CFAP95: variants seen among roughly 807,000 people sequenced by gnomAD.
CFAP95 encodes the protein cilia and flagella associated protein 95.
At chr9:69,865,284 G>C in the CFAP95 span, among the ~76,000 whole-genome samples, 1 of 152,026 alleles carries the variant, frequency 6.6e-6, no homozygotes, top group Non-Finnish European at 1.5e-5. Flanking sequence ...ACCCATTCTC[G>C]GACAGTTCTT....
chr9:69,843,604 T>G, the CFAP95 span, among the ~76,000 whole-genome samples: 1,245 of 65,900 alleles, frequency 0.019, 128 homozygotes, highest in Middle Eastern at 0.03. Flanking sequence ...CTTCTTCTTC[T>G]TCTTCTTCTT....
chr9:69,887,800 C>T, the CFAP95 span, among the ~76,000 whole-genome samples: 1 of 152,166 alleles, frequency 6.6e-6, no homozygotes, highest in Admixed American at 6.5e-5. Context: ...AGATTGCCTC[C>T]ACCTTTTAAG....
the CFAP95 span, among the ~76,000 whole-genome samples, chr9:69,881,398 C>T: frequency 6.6e-6 from 1 of 152,158 alleles, no homozygotes; most frequent in Non-Finnish European, 1.5e-5. Context: ...CCAGTTTCCC[C>T]AGCACCGTTT....
the CFAP95 span, among the ~76,000 whole-genome samples, chr9:69,833,276 T>C: frequency 6.6e-6 from 1 of 152,246 alleles, no homozygotes; most frequent in Admixed American, 6.5e-5. Flanking sequence ...AATGGAATTG[T>C]ACAACATATA....
At chr9:69,879,633 C>T in the CFAP95 span, among the ~76,000 whole-genome samples, 9 of 152,276 alleles carry the variant, frequency 5.9e-5, no homozygotes, top group East Asian at 1.4e-3. Flanking sequence ...CTTTAGGACA[C>T]AAAGACAGTT....
the CFAP95 span, among the ~76,000 whole-genome samples, chr9:69,905,301 T>G: frequency 1.3e-5 from 2 of 152,236 alleles, no homozygotes; most frequent in African/African-American, 4.8e-5. Context: ...AGAAATTAGA[T>G]AATCAGTTAA....
At chr9:69,831,484 G>A in the CFAP95 span, among the ~76,000 whole-genome samples, 1 of 151,800 alleles carries the variant, frequency 6.6e-6, no homozygotes. Flanking sequence ...CCATTGCTCT[G>A]TTGAAAGCAC....
At chr9:69,821,928 G>T in the CFAP95 span, among the ~76,000 whole-genome samples, 1 of 152,086 alleles carries the variant, frequency 6.6e-6, no homozygotes, top group East Asian at 1.9e-4. Flanking sequence ...CTGTCTTTAG[G>T]AACTTCCCTC....
the CFAP95 span, among the ~76,000 whole-genome samples, chr9:69,837,228 T>C: frequency 6.6e-6 from 1 of 152,218 alleles, no homozygotes; most frequent in African/African-American, 2.4e-5. Context: ...TGATTTATAG[T>C]CCTTTGGGTA....
At chr9:69,823,270 C>T in the CFAP95 span, among the ~76,000 whole-genome samples, 9 of 152,260 alleles carry the variant, frequency 5.9e-5, no homozygotes, top group African/African-American at 1.9e-4. Context: ...AGCATGGGGA[C>T]AACTGCTCTC....
At chr9:69,843,551 C>CTTCTTCTTCTT in the CFAP95 span, among the ~76,000 whole-genome samples, 4 of 16,934 alleles carry the variant, frequency 2.4e-4, no homozygotes, top group Non-Finnish European at 5.2e-4. Flanking sequence ...TCCTCCTCCT[C>CTTCTTCTTCTT]CTCCTCCTTC....
chr9:69,828,461 G>A, the CFAP95 span, among the ~76,000 whole-genome samples: 1 of 152,190 alleles, frequency 6.6e-6, no homozygotes, highest in Non-Finnish European at 1.5e-5. Flanking sequence ...TGAGGGGATC[G>A]CTTGAGCCAG....
chr9:69,852,167 T>TA, the CFAP95 span, among the ~76,000 whole-genome samples: 11 of 144,716 alleles, frequency 7.6e-5, no homozygotes, highest in African/African-American at 2.0e-4. Flanking sequence ...TTGTATATAT[T>TA]TTTTTTTTTT....
the CFAP95 span, among the ~76,000 whole-genome samples, chr9:69,900,371 T>C: frequency 6.6e-6 from 1 of 152,230 alleles, no homozygotes; most frequent in African/African-American, 2.4e-5. Flanking sequence ...AGGATGTGAC[T>C]TAGCATCCTG....
chr9:69,844,693 G>A, the CFAP95 span: 3 of 1,182,310 alleles, frequency 2.5e-6, no homozygotes, highest in African/African-American at 1.5e-5. Context: ...AAAAGGTAAA[G>A]GGAGGAGTGT....
the CFAP95 span, among the ~76,000 whole-genome samples, chr9:69,882,008 C>T: frequency 3.2e-4 from 48 of 149,160 alleles, no homozygotes; most frequent in Non-Finnish European, 4.5e-5. Flanking sequence ...TTTTTGAGAC[C>T]GTCTTGCTCT....
chr9:69,906,098 C>T, the CFAP95 span: 2 of 1,611,494 alleles, frequency 1.2e-6, no homozygotes, highest in Non-Finnish European at 1.7e-6. Context: ...AAAACAGAAA[C>T]TCTATCCCTT....
chr9:69,844,377 C>T, the CFAP95 span: 1 of 516,272 alleles, frequency 1.9e-6, no homozygotes, highest in Non-Finnish European at 3.3e-6. Flanking sequence ...ATGGAAAATA[C>T]TTTATATGTC....
chr9:69,831,043 G>A, the CFAP95 span, among the ~76,000 whole-genome samples: 1 of 151,808 alleles, frequency 6.6e-6, no homozygotes, highest in African/African-American at 2.4e-5. Flanking sequence ...AGTTATTATT[G>A]GTCACACCGT....
Sources: allele counts gnomAD v4.1 joint callset (sites outside exome capture counted in the v4.1 genomes callset), GRCh38; gene constraint gnomAD v4.1.1; transcripts MANE v1.5; gene names NCBI Gene and HGNC (gene_info 2026-07-23, HGNC 2026-07-21).